COP1: variants seen among roughly 807,000 people sequenced by gnomAD.
COP1 encodes the protein E3 ubiquitin-protein ligase COP1.
COP1 carries 24 observed loss-of-function variants against 101.3 expected under a neutral mutation model. That is an observed-to-expected ratio of 0.24 (90% CI 0.17 to 0.33). The LOEUF is 0.33. Ranked by LOEUF, COP1 falls within the 10% of genes least tolerant of loss-of-function variation. The pLI is 1.00. For missense variants in COP1, 663 were observed against 906.2 expected, an observed-to-expected ratio of 0.73 and a Z score of 3.45; for synonymous variants, 347 against 341.9, an observed-to-expected ratio of 1.01 and a Z score of -0.17.
chr1:176,206,956 C>A lies in COP1; in HGVS notation c.23G>T (p.Gly8Val). 2 of 1,437,670 alleles carry A rather than the reference C, an allele frequency of 1.4e-6. No homozygotes were observed. The highest frequency in any genetic ancestry group is 1.4e-5 in the South Asian group (1 of 73,488). The allele number at this position is 1,437,670 out of a possible 1,614,324, so 89.1% of individuals were successfully genotyped here. The change falls in exon 1 of 20, where the codon GGG (glycine) becomes GTG (valine). Residue 8 changes from glycine (G) to valine (V), a missense_variant. Physicochemically the swap from Gly to Val is moderately radical, Grantham distance 109 (BLOSUM62 -3). Transcript: ENST00000367669. The part of the protein sequence containing the change: MSGSRQA[G>V]SGSAGTSPGS... ...GGGGCTTGTCCCAGCGGAGCCCGAC[C>A]CGGCCTGGCGGCTACCAGACATCGT...
At chr1:175,956,083 A>T (rs527479578) in intron 18 of COP1, among the ~76,000 whole-genome samples, 1 of 152,288 alleles carries the variant, frequency 6.6e-6, no homozygotes, top group African/African-American at 2.4e-5. Flanking sequence ...CTTACACAAC[A>T]TGATTTGAAG....
chr1:176,013,932 A>G (rs998253551), intron 15 of COP1, among the ~76,000 whole-genome samples: 1 of 152,342 alleles, frequency 6.6e-6, no homozygotes, highest in Admixed American at 6.5e-5. Context: ...AAGATTACTC[A>G]GCCCGATTTT....
At chr1:176,173,824 C>T (rs928239575) in intron 3 of COP1, among the ~76,000 whole-genome samples, 9 of 151,206 alleles carry the variant, frequency 6.0e-5, no homozygotes, top group Non-Finnish European at 1.0e-4. Context: ...CCCGTCTCTA[C>T]TAAAAACACA....
chr1:176,010,298 T>A (rs975237811), intron 15 of COP1, among the ~76,000 whole-genome samples: 23 of 152,192 alleles, frequency 1.5e-4, no homozygotes, highest in Non-Finnish European at 3.4e-4. Context: ...TATCATTATA[T>A]CACACTCAAG....
intron 15 of COP1, among the ~76,000 whole-genome samples, chr1:175,998,880 T>C (rs1350032432): frequency 6.6e-6 from 1 of 152,126 alleles, no homozygotes. Flanking sequence ...AATAATGGAA[T>C]GGAACTTCAT....
chr1:176,196,167 G>A (rs1699670666), intron 1 of COP1, among the ~76,000 whole-genome samples: 1 of 152,006 alleles, frequency 6.6e-6, no homozygotes, highest in South Asian at 2.1e-4. Context: ...ATTGAAAAGA[G>A]GGCCAAAAAT....
intron 4 of COP1, 66 bp downstream of exon 4, chr1:176,163,749 A>G: frequency 1.0e-6 from 1 of 989,498 alleles, no homozygotes; most frequent in East Asian, 2.7e-5. Context: ...ACATCTAACT[A>G]ATATTAAACC....
intron 8 of COP1, among the ~76,000 whole-genome samples, chr1:176,123,027 T>C (rs967999956): frequency 3.9e-5 from 6 of 152,336 alleles, no homozygotes; most frequent in Middle Eastern, 3.4e-3. Context: ...TTACACAACG[T>C]GGTTTATTTG....
At chr1:176,063,047 G>GTTTTTTTTTTTTTTTTT (rs34464104) in intron 11 of COP1, among the ~76,000 whole-genome samples, 4 of 90,604 alleles carry the variant, frequency 4.4e-5, no homozygotes, top group Non-Finnish European at 5.9e-5. Context: ...TTTTGAAAAT[G>GTTTTTTTTTTTTTTTTT]TTTTTTTTTT....
intron 11 of COP1, among the ~76,000 whole-genome samples, chr1:176,062,368 A>G (rs2149303494): frequency 6.6e-6 from 1 of 152,200 alleles, no homozygotes; most frequent in East Asian, 1.9e-4. Flanking sequence ...AAGATATACA[A>G]ATAGTTAATA....
chr1:176,026,525 AG>A (rs1050721562), intron 15 of COP1, among the ~76,000 whole-genome samples: 8 of 152,152 alleles, frequency 5.3e-5, no homozygotes, highest in Non-Finnish European at 1.2e-4. Context: ...AGACAGAAGT[AG>A]GATCAAATGA....
At chr1:175,992,117 TA>T (rs1481227610) in intron 15 of COP1, among the ~76,000 whole-genome samples, 1 of 152,254 alleles carries the variant, frequency 6.6e-6, no homozygotes, top group Non-Finnish European at 1.5e-5. Context: ...TATATACACT[TA>T]TGTGGAATAT....
chr1:176,155,772 A>T (rs1237017517), intron 5 of COP1, among the ~76,000 whole-genome samples: 2 of 152,100 alleles, frequency 1.3e-5, no homozygotes, highest in Non-Finnish European at 2.9e-5. Context: ...TTAGAGAGAA[A>T]AACGATATAC....
At chr1:176,040,222 T>G (rs547023052) in intron 14 of COP1, among the ~76,000 whole-genome samples, 31 of 152,232 alleles carry the variant, frequency 2.0e-4, no homozygotes, top group African/African-American at 7.2e-4. Context: ...TTTTCTTTCT[T>G]TACTTTCTTG....
Position 176,207,003 on chromosome 1 carries a change from G to A in COP1, c.-25C>T. ...TCGTGACTCCCTCCCCTCCAGCCGG[G>A]CGCTCGGAGGAGAGGGACCGCGACC... On this transcript the variant is annotated 5_prime_UTR_variant, in exon 1 of 20. Transcript: ENST00000367669. The A allele has an allele frequency of 7.3e-7, 1 of 1,368,280 alleles. No individual in the cohort carries two copies. The highest frequency in any genetic ancestry group is 9.4e-7 in the Non-Finnish European group (1 of 1,063,540). The allele number at this position is 1,368,280 out of a possible 1,614,324, so 84.8% of individuals were successfully genotyped here.
At chr1:176,157,023 C>T (rs892472624) in intron 5 of COP1, among the ~76,000 whole-genome samples, 7 of 151,960 alleles carry the variant, frequency 4.6e-5, no homozygotes, top group South Asian at 2.1e-4. Flanking sequence ...CATGGTGAGA[C>T]GCCATCTCTA....
intron 1 of COP1, among the ~76,000 whole-genome samples, chr1:176,201,368 A>AC: frequency 6.6e-6 from 1 of 152,186 alleles, no homozygotes; most frequent in Non-Finnish European, 1.5e-5. Flanking sequence ...GTAGCAGGTT[A>AC]AAATAATTAT....
At chr1:176,008,588 C>A (rs1382392925) in intron 15 of COP1, among the ~76,000 whole-genome samples, 1 of 151,578 alleles carries the variant, frequency 6.6e-6, no homozygotes, top group African/African-American at 2.4e-5. Flanking sequence ...ATATATAAGC[C>A]CTATAGCTAG....
chr1:176,171,553 C>T (rs1010104379), intron 3 of COP1, among the ~76,000 whole-genome samples: 2 of 152,096 alleles, frequency 1.3e-5, no homozygotes, highest in Non-Finnish European at 2.9e-5. Flanking sequence ...AGAACTTTTC[C>T]TTTGCATTCA....
Sources: gnomAD v4.1 joint callset for allele counts (sites outside exome capture counted in the v4.1 genomes callset) on GRCh38, gnomAD v4.1.1 for gene constraint, MANE v1.5 for transcripts, NCBI Gene and HGNC (gene_info 2026-07-23, HGNC 2026-07-21) for gene names.